Variants in PGGT1B observed in about 807,000 individuals in gnomAD.
PGGT1B encodes geranylgeranyl transferase type-1 subunit beta.
In PGGT1B, 30 loss-of-function variants were observed where a neutral mutation model predicts 46.1. The observed-to-expected ratio is 0.65, with a 90% CI of 0.49 to 0.88. The LOEUF is 0.88. Among genes scored for constraint, PGGT1B ranks in the 40% least tolerant of loss-of-function variants. The probability of loss-of-function intolerance (pLI) is 0.00; values close to 1 mark genes in which losing one functional copy is unlikely to be tolerated. For synonymous variants in PGGT1B, 170 were observed against 160.0 expected, an observed-to-expected ratio of 1.06 and a Z score of -0.47; for missense variants, 376 against 455.9, an observed-to-expected ratio of 0.82 and a Z score of 1.60.
intron 5 of PGGT1B, among the ~76,000 whole-genome samples, chr5:115,232,580 C>T (rs1372042454): frequency 3.3e-5 from 5 of 152,080 alleles, no homozygotes; most frequent in African/African-American, 1.2e-4. Context: ...CTATTTAAAA[C>T]ATCATACATT....
chr5:115,218,193 A>G (rs527338160), intron 7 of PGGT1B, among the ~76,000 whole-genome samples: 1 of 151,890 alleles, frequency 6.6e-6, no homozygotes, highest in East Asian at 1.9e-4. Context: ...ATCATCAATA[A>G]TGTCTAAAGG....
chr5:115,217,041 G>T, intron 7 of PGGT1B, 68 bp from the exon 8 acceptor site: 1 of 737,594 alleles, frequency 1.4e-6, no homozygotes, highest in Admixed American at 2.2e-5. Context: ...TCAAATTTCA[G>T]ATACGTGTCA....
At chr5:115,259,613 C>T (rs1249941844) in intron 1 of PGGT1B, among the ~76,000 whole-genome samples, 8 of 144,598 alleles carry the variant, frequency 5.5e-5, no homozygotes, top group African/African-American at 2.1e-4. Context: ...CGCTTGAACC[C>T]AGGAGGCGGA....
At chr5:115,247,249 T>TA (rs925721174) in intron 2 of PGGT1B, among the ~76,000 whole-genome samples, 1 of 152,178 alleles carries the variant, frequency 6.6e-6, no homozygotes, top group African/African-American at 2.4e-5. Context: ...TTTGAGAGTT[T>TA]AAAGAGGTTT....
Position 115,254,429 on chromosome 5 carries a change from A to T in PGGT1B, c.141-1174T>A, listed in dbSNP as rs1748228387. ...GCTTATTTTATATAATAGTTTAACA[A>T]TTTTGTGCATGAAACAAAGTTAGTG... On this transcript the variant is annotated intron_variant, in intron 1 of 8. Coordinates refer to ENST00000419445, the MANE Select transcript of PGGT1B (RefSeq NM_005023.4). Among the ~76,000 whole-genome samples, 10 of 152,168 alleles carry T rather than the reference A, an allele frequency of 6.6e-5. No homozygotes were observed. The South Asian group carries it at 2.1e-3, about 32-fold the overall frequency.
intron 6 of PGGT1B, among the ~76,000 whole-genome samples, chr5:115,230,051 A>G (rs1756928332): frequency 6.6e-6 from 1 of 152,138 alleles, no homozygotes; most frequent in South Asian, 2.1e-4. Context: ...TGTTAGAAAT[A>G]TCTTTTTATA....
intron 2 of PGGT1B, among the ~76,000 whole-genome samples, chr5:115,247,362 T>C (rs1255524044): frequency 6.6e-6 from 1 of 152,186 alleles, no homozygotes; most frequent in African/African-American, 2.4e-5. Context: ...GGACAGCTCT[T>C]GGGCCAAAAT....
chr5:115,220,090 A>G (rs180858930), intron 7 of PGGT1B, among the ~76,000 whole-genome samples: 25 of 151,916 alleles, frequency 1.6e-4, no homozygotes, highest in Non-Finnish European at 3.2e-4. Flanking sequence ...TTCCACTCCT[A>G]TATACATACA....
intron 4 of PGGT1B, 119 bp from the exon 5 acceptor site, chr5:115,236,641 C>T: frequency 1.8e-6 from 1 of 547,280 alleles, no homozygotes; most frequent in South Asian, 3.4e-5. Context: ...GATTATTCTA[C>T]TTTTATTATT....
At chr5:115,236,617 C>G (rs1757191456) in intron 4 of PGGT1B, 95 bp from the exon 5 acceptor site, 1 of 662,774 alleles carries the variant, frequency 1.5e-6, no homozygotes, top group South Asian at 3.0e-5. Context: ...TCTTTACTAA[C>G]AGAAAAATCT....
chr5:115,222,891 TCTCA>T (rs1756629738), intron 6 of PGGT1B, among the ~76,000 whole-genome samples: 1 of 152,174 alleles, frequency 6.6e-6, no homozygotes, highest in South Asian at 2.1e-4. Flanking sequence ...CACCGCATGT[TCTCA>T]CTCATAGGTG....
chr5:115,204,942 T>C lies in PGGT1B; in HGVS notation c.*7460A>G, dbSNP rs1756019928. ...AGTATGTTCTGTAGTAGAAAAAAGA[T>C]ACTCTGTAACAGAATCTCATTTGTG... On this transcript the variant is annotated 3_prime_UTR_variant, in exon 9 of 9. Transcript: ENST00000419445. 6.6e-6 allele frequency: 1 copy of C among 152,206 alleles called. No homozygotes were observed. The highest frequency in any genetic ancestry group is 1.5e-5 in the Non-Finnish European group (1 of 68,016). 9.4% of individuals were successfully genotyped at this position (152,206 alleles called of 1,614,324 possible).
intron 7 of PGGT1B, among the ~76,000 whole-genome samples, chr5:115,218,920 A>C (rs1239118748): frequency 1.3e-5 from 2 of 151,900 alleles, no homozygotes; most frequent in Non-Finnish European, 3.0e-5. Context: ...TTGTATGTTG[A>C]AAACTACAAA....
chr5:115,207,470 T>C lies in PGGT1B; in HGVS notation c.*4932A>G, dbSNP rs1756099624. ...AAAATTCAAAAACAGACAAAACTAA[T>C]TGATGGTAATTTTGACAGCACTTAC... On this transcript the variant is annotated 3_prime_UTR_variant, in exon 9 of 9. Transcript: ENST00000419445. 6.6e-6 allele frequency: 1 copy of C among 151,688 alleles called. No homozygotes were observed. Among genetic ancestry groups the C allele is most frequent in the Admixed American group, 6.6e-5 (1 of 15,208 alleles). 9.4% of individuals were successfully genotyped at this position (151,688 alleles called of 1,614,324 possible).
intron 5 of PGGT1B, among the ~76,000 whole-genome samples, chr5:115,235,677 T>A (rs1485069443): frequency 6.6e-6 from 1 of 152,116 alleles, no homozygotes; most frequent in Non-Finnish European, 1.5e-5. Flanking sequence ...CCTTTAATGG[T>A]ATCTTCTTTC....
chr5:115,230,671 C>G (rs574345468), intron 6 of PGGT1B, among the ~76,000 whole-genome samples: 27 of 152,076 alleles, frequency 1.8e-4, no homozygotes, highest in African/African-American at 6.3e-4. Flanking sequence ...CAAAGAAAAC[C>G]TGTTGTTTTC....
In PGGT1B at chr5:115,207,867, T is replaced by C. The variant is rs1756108431; in HGVS notation, c.*4535A>G. 1 of 152,142 alleles carries C rather than the reference T, an allele frequency of 6.6e-6. No homozygotes were observed. Among genetic ancestry groups the C allele is most frequent in the African/African-American group, 2.4e-5 (1 of 41,454 alleles). The allele number at this position is 152,142 out of a possible 1,614,324, so 9.4% of individuals were successfully genotyped here. On this transcript the variant is annotated 3_prime_UTR_variant, in exon 9 of 9. Transcript: ENST00000419445. ...ACTTCAGCTGGAAAGTCTCCTTTGC[T>C]TTGAAATTTAAGATGCTGGCTTTTA... is the stretch of plus-strand genomic sequence containing the variant.
chr5:115,218,335 G>A (rs569900999), intron 7 of PGGT1B, among the ~76,000 whole-genome samples: 2 of 150,020 alleles, frequency 1.3e-5, no homozygotes, highest in Non-Finnish European at 3.0e-5. Flanking sequence ...AAAGACTTGG[G>A]ACAACTTGAA....
intron 2 of PGGT1B, among the ~76,000 whole-genome samples, chr5:115,242,229 A>G (rs895930318): frequency 1.3e-5 from 2 of 152,240 alleles, no homozygotes; most frequent in Admixed American, 6.5e-5. Flanking sequence ...GTTTATCCAT[A>G]CTTTTTTTCT....
Sources: gnomAD v4.1 joint callset for allele counts (sites outside exome capture counted in the v4.1 genomes callset) on GRCh38, gnomAD v4.1.1 for gene constraint, MANE v1.5 for transcripts, NCBI Gene and HGNC (gene_info 2026-07-23, HGNC 2026-07-21) for gene names.